Variants in SYNE1 observed in about 807,000 individuals in gnomAD.
SYNE1 encodes the protein spectrin repeat containing nuclear envelope protein 1, also known as nesprin-1.
SYNE1 carries 616 observed loss-of-function variants against 1,111.0 expected under a neutral mutation model. That is an observed-to-expected ratio of 0.55 (90% CI 0.52 to 0.59). The LOEUF is 0.59. Ranked by LOEUF, SYNE1 falls within the 20% of genes least tolerant of loss-of-function variation. SYNE1 has a pLI of 0.00. For synonymous variants in SYNE1, 3,855 were observed against 3,825.8 expected (o/e 1.01, Z -0.28); for missense variants, 10,006 against 10,417.0 (o/e 0.96, Z 1.72).
At chr6:152,399,555 C>A in intron 48 of SYNE1, 61 bp downstream of exon 48, 3 of 1,590,704 alleles carry the variant, frequency 1.9e-6, no homozygotes, top group Non-Finnish European at 2.6e-6. Flanking sequence ...TTCTAGGCAG[C>A]ATTTGGTTTG....
intron 3 of SYNE1, among the ~76,000 whole-genome samples, chr6:152,542,694 T>TA (rs1338482523): frequency 6.6e-6 from 1 of 152,114 alleles, no homozygotes; most frequent in Admixed American, 6.6e-5. Context: ...AAGGGTAGCA[T>TA]AAAAATTACC....
chr6:152,441,984 T>C (rs1055902122), intron 31 of SYNE1, 91 bp downstream of exon 31: 1 of 1,457,810 alleles, frequency 6.9e-7, no homozygotes. Context: ...TCAGAGGCGG[T>C]AACAAAGGTT....
chr6:152,446,004 T>C (rs1469876652), intron 29 of SYNE1, among the ~76,000 whole-genome samples: 1 of 152,126 alleles, frequency 6.6e-6, no homozygotes, highest in Non-Finnish European at 1.5e-5. Context: ...GAGAGATTCT[T>C]ACTATAAGTC....
At chr6:152,187,494 C>T (rs1276827046) in intron 128 of SYNE1, among the ~76,000 whole-genome samples, 1 of 152,010 alleles carries the variant, frequency 6.6e-6, no homozygotes, top group African/African-American at 2.4e-5. Context: ...ACATAAGAGC[C>T]CCCTCTCAAC....
rs9371581 is a variant in SYNE1, at chr6:152,308,451, G to A, written c.17346+38C>T. 834,332 of 1,612,054 alleles carry A rather than the reference G, an allele frequency of 0.52. 220,229 individuals are homozygous for A. Among genetic ancestry groups the A allele is most frequent in the East Asian group, 0.64 (28,525 of 44,818 alleles). On this transcript the variant is annotated intron_variant, in intron 91 of 145. Coordinates refer to ENST00000367255, the MANE Select transcript of SYNE1 (RefSeq NM_182961.4). ...CCAAACATATACTCTAATCAAGCCAGTTTCCTGCCCTCGGTATTTCGCCTA... is the reference window on the plus strand; with the variant it reads ...CCAAACATATACTCTAATCAAGCCAATTTCCTGCCCTCGGTATTTCGCCTA...
At chr6:152,277,268 T>C (rs1287388343) in intron 98 of SYNE1, among the ~76,000 whole-genome samples, 6 of 123,092 alleles carry the variant, frequency 4.9e-5, no homozygotes, top group Non-Finnish European at 1.0e-4. Context: ...CTTTTTCTTT[T>C]TTTTTTTTTT....
chr6:152,173,348 C>T (rs1425228590), intron 130 of SYNE1, among the ~76,000 whole-genome samples: 1 of 152,110 alleles, frequency 6.6e-6, no homozygotes, highest in East Asian at 1.9e-4. Context: ...GAGATGTTCA[C>T]CTAAAAATAC....
intron 3 of SYNE1, among the ~76,000 whole-genome samples, chr6:152,559,372 A>T (rs1221910299): frequency 6.6e-6 from 1 of 152,182 alleles, no homozygotes; most frequent in Non-Finnish European, 1.5e-5. Context: ...AAATGCTGTG[A>T]TTACAGGCAT....
chr6:152,497,076 T>C (rs529282455), intron 11 of SYNE1, among the ~76,000 whole-genome samples: 5 of 152,306 alleles, frequency 3.3e-5, no homozygotes, highest in South Asian at 2.1e-4. Context: ...TGACTCCTTT[T>C]TCAAACTCAG....
At chr6:152,183,717 A>G (rs190452451) in intron 128 of SYNE1, among the ~76,000 whole-genome samples, 3 of 152,322 alleles carry the variant, frequency 2.0e-5, no homozygotes, top group Admixed American at 6.5e-5. Flanking sequence ...ACTCACCAAT[A>G]TCTGCAGGGA....
At chr6:152,281,385 A>G (rs1474586120) in intron 97 of SYNE1, among the ~76,000 whole-genome samples, 1 of 152,248 alleles carries the variant, frequency 6.6e-6, no homozygotes, top group East Asian at 1.9e-4. Context: ...TAAAACTGAC[A>G]CTTGGAAAAG....
chr6:152,530,991 G>A (rs1450074066), intron 4 of SYNE1, among the ~76,000 whole-genome samples: 3 of 151,812 alleles, frequency 2.0e-5, no homozygotes, highest in Non-Finnish European at 4.4e-5. Context: ...TATTCATGCT[G>A]TCTACTCAAC....
chr6:152,364,907 T>A lies in SYNE1; in HGVS notation c.10085A>T (p.Gln3362Leu), dbSNP rs563787300. 1.2e-6 allele frequency: 2 copies of A among 1,614,248 alleles called. No individual in the cohort carries two copies. The highest frequency in any genetic ancestry group is 1.1e-5 in the South Asian group (1 of 91,088). Residue 3362 changes from glutamine (Q) to leucine (L), a missense_variant, in exon 63 of 146, where the codon CAG becomes CTG. Gln to Leu is a moderately radical substitution (Grantham distance 113). Transcript: ENST00000367255. ...CCACATATCCTTCACACTCTGCAGC[T>A]GCTGCTGAATAGTGGGAATGCCTTC... ...SPEGIPTIQQQLQSVKDMWAS... is the reference protein window; with the variant it reads ...SPEGIPTIQQLLQSVKDMWAS...
intron 131 of SYNE1, among the ~76,000 whole-genome samples, chr6:152,162,540 T>A (rs74798202): frequency 0.02 from 3,007 of 152,294 alleles, 116 homozygotes; most frequent in East Asian, 0.13. Flanking sequence ...ACTATAGACA[T>A]CATTACCATG....
intron 3 of SYNE1, among the ~76,000 whole-genome samples, chr6:152,598,427 A>G (rs751368243): frequency 1.3e-5 from 2 of 152,322 alleles, no homozygotes; most frequent in Non-Finnish European, 2.9e-5. Context: ...GTATGTCTTT[A>G]TCAGCAGTGT....
In SYNE1 at chr6:152,553,045, A is replaced by C. The variant is rs559146691; in HGVS notation, c.68-13024T>G. ...GAAATCTATCTTCTATTTAGAATGT[A>C]TGTGGCAGGCATATGTTGCATATAT... On this transcript the variant is annotated intron_variant, in intron 3 of 145. Coordinates refer to ENST00000367255, the MANE Select transcript of SYNE1 (RefSeq NM_182961.4). Among the ~76,000 whole-genome samples the C allele has an allele frequency of 5.1e-4, 78 of 152,324 alleles. 1 individual carries two copies. Among genetic ancestry groups the C allele is most frequent in the African/African-American group, 1.8e-3 (76 of 41,582 alleles).
Position 152,580,693 on chromosome 6 carries a change from T to C in SYNE1, c.68-40672A>G, listed in dbSNP as rs189085626. On this transcript the variant is annotated intron_variant, in intron 3 of 145. Transcript: ENST00000367255. The stretch of plus-strand genomic sequence containing the variant: ...ACCTTGAGTTGATTTTTGTATATGG[T>C]GAAAGGAAGGGGTCTAGTGTCACTC... Among the ~76,000 whole-genome samples, 17 of 152,226 alleles carry C rather than the reference T, an allele frequency of 1.1e-4. No homozygotes were observed. In the East Asian group the frequency reaches 2.3e-3, roughly 21 times the overall value.
chr6:152,571,293 C>T (rs2099455252), intron 3 of SYNE1, among the ~76,000 whole-genome samples: 1 of 152,106 alleles, frequency 6.6e-6, no homozygotes, highest in Admixed American at 6.6e-5. Context: ...AAATAACAGC[C>T]TTGGCAATGA....
rs766614719 is a variant in SYNE1 at position 152,629,522 on chromosome 6, C to CGGGGGGGGGGGGGGG, written c.-223-983_-223-969dup. Among the ~76,000 whole-genome samples, 5 of 6,136 alleles carry CGGGGGGGGGGGGGGG rather than the reference C, an allele frequency of 8.1e-4. 1 individual carries two copies. The highest frequency in any genetic ancestry group is 1.1e-3 in the Non-Finnish European group (4 of 3,644). The allele number at this position is 6,136 out of a possible 152,430, so 4.0% of individuals were successfully genotyped here. A position where few individuals can be genotyped will look rare whatever the true frequency, so the allele number is the denominator to read the frequency against. ...TGCCTGGCTGGTTAAGTTTCATTGC[C>CGGGGGGGGGGGGGGG]GGGGGGGGGGGGGGGAGGGGGAGGG... On this transcript the variant is annotated intron_variant, in intron 2 of 145. Transcript: ENST00000367255.
Sources: allele counts gnomAD v4.1 joint callset (sites outside exome capture counted in the v4.1 genomes callset), GRCh38; gene constraint gnomAD v4.1.1; transcripts MANE v1.5; gene names NCBI Gene and HGNC (gene_info 2026-07-23, HGNC 2026-07-21).